Variants in AAK1 observed in about 807,000 individuals in gnomAD.
AAK1 encodes the protein AP2 associated kinase 1.
Under a neutral mutation model 116.0 loss-of-function variants are expected in AAK1, and 37 were observed. The observed-to-expected ratio is 0.32, with a 90% CI of 0.25 to 0.42. The LOEUF (loss-of-function observed/expected upper bound fraction) is 0.42, where lower values mean the gene tolerates loss of function less well. AAK1 is among the 10% of genes least tolerant of loss of function. The probability of loss-of-function intolerance (pLI) is 1.00; values close to 1 mark genes in which losing one functional copy is unlikely to be tolerated. For missense variants in AAK1, 919 were observed against 1,170.6 expected (o/e 0.79, Z 3.14); for synonymous variants, 458 against 439.9 (o/e 1.04, Z -0.51).
chr2:69,517,055 C>T (rs1282920249), intron 12 of AAK1: 1 of 151,508 alleles, frequency 6.6e-6, no homozygotes. Context: ...CTAGTAAAAA[C>T]AAAACAAAAA....
intron 12 of AAK1, among the ~76,000 whole-genome samples, chr2:69,515,592 A>G (rs10197696): frequency 0.69 from 105,519 of 151,956 alleles, 38,459 homozygotes; most frequent in African/African-American, 0.92. Context: ...GCCTCTGAAG[A>G]TGCTGAGATT....
At chr2:69,591,487 G>A (rs1032141923) in intron 2 of AAK1, among the ~76,000 whole-genome samples, 5 of 150,284 alleles carry the variant, frequency 3.3e-5, no homozygotes, top group Non-Finnish European at 5.9e-5. Flanking sequence ...CGGGGTTAAA[G>A]TTGGTTCTAT....
At position 69,589,501 on chromosome 2, in the gene AAK1, G is replaced by A. The variant is rs907518220; in HGVS notation, c.164-32523C>T. Among the ~76,000 whole-genome samples, 7 of 152,188 alleles carry A rather than the reference G, an allele frequency of 4.6e-5. No individual in the cohort carries two copies. The East Asian group carries it at 5.8e-4, about 13-fold the overall frequency. ...AGGCAGGCAGATCACCAGAGGTCAGGAGTTCGAGACCAGCCTGACCAATAT... is the reference window on the plus strand; with the variant it reads ...AGGCAGGCAGATCACCAGAGGTCAGAAGTTCGAGACCAGCCTGACCAATAT... On this transcript the variant is annotated intron_variant, in intron 2 of 21. Transcript: ENST00000409085.
intron 15 of AAK1, among the ~76,000 whole-genome samples, chr2:69,506,348 A>G (rs1676184612): frequency 6.6e-6 from 1 of 152,202 alleles, no homozygotes; most frequent in Admixed American, 6.5e-5. Flanking sequence ...TCTTCTGTTT[A>G]AAAAAGCAAG....
chr2:69,578,618 C>T lies in AAK1; in HGVS notation c.164-21640G>A, dbSNP rs138652413. On this transcript the variant is annotated intron_variant, in intron 2 of 21. Coordinates refer to ENST00000409085, the MANE Select transcript of AAK1 (RefSeq NM_014911.5). ...GTCCTAAAACGTCCCAATCCCTCAA[C>T]GTTTACATTCCCTGCTCTCCTCTAT... is the stretch of plus-strand genomic sequence containing the variant. Among the ~76,000 whole-genome samples, 18 of 152,252 alleles carry T rather than the reference C, an allele frequency of 1.2e-4. 1 individual carries two copies. The East Asian group carries it at 3.3e-3, about 28-fold the overall frequency.
At position 69,556,977 on chromosome 2, in the gene AAK1, A is replaced by C; in HGVS notation, c.165T>G (p.Gly55=). ...TCACCAGAAATACAATAGCAAATCC[A>C]CCTGTGAGAGAAACACACACAAGCT... ...QVTVDEVLAE[G]GFAIVFLVRT... is the part of the protein sequence containing the mutation. Residue 55 remains glycine (G), a splice_region_variant and synonymous_variant, in exon 3 of 22, where the codon GGT becomes GGG. Transcript: ENST00000409085. 1 of 1,608,096 alleles carries C rather than the reference A, an allele frequency of 6.2e-7. No individual in the cohort carries two copies. The highest frequency in any genetic ancestry group is 8.5e-7 in the Non-Finnish European group (1 of 1,174,586).
intron 2 of AAK1, among the ~76,000 whole-genome samples, chr2:69,561,193 C>T (rs777382261): frequency 1.3e-5 from 2 of 152,192 alleles, no homozygotes; most frequent in South Asian, 4.1e-4. Context: ...TTTTCTATGT[C>T]TGATCTAGTC....
intron 2 of AAK1, among the ~76,000 whole-genome samples, chr2:69,572,839 G>A (rs7579933): frequency 0.38 from 57,377 of 151,588 alleles, 11,151 homozygotes; most frequent in East Asian, 0.54. Flanking sequence ...ACATTCCTCC[G>A]GGTAAACAGA....
In AAK1 at chr2:69,514,897, T is replaced by C. The variant is rs1011429038; in HGVS notation, c.1498-148A>G. 9 of 848,858 alleles carry C rather than the reference T, an allele frequency of 1.1e-5. No homozygotes were observed. The South Asian group carries it at 1.1e-4, about 11-fold the overall frequency. The allele number at this position is 848,858 out of a possible 1,614,324, so 52.6% of individuals were successfully genotyped here. On this transcript the variant is annotated intron_variant, in intron 12 of 21. Coordinates refer to ENST00000409085, the MANE Select transcript of AAK1 (RefSeq NM_014911.5). ...TGAGGCTAGGCCTAAAATCTCATGATAGAGACCTCAGGGAATTAAAATACA... is the reference window on the plus strand; with the variant it reads ...TGAGGCTAGGCCTAAAATCTCATGACAGAGACCTCAGGGAATTAAAATACA...
At chr2:69,566,181 T>A (rs1422891068) in intron 2 of AAK1, among the ~76,000 whole-genome samples, 3 of 152,096 alleles carry the variant, frequency 2.0e-5, no homozygotes, top group African/African-American at 7.2e-5. Context: ...CATCCACAAC[T>A]TACATTGAAG....
chr2:69,616,505 G>T (rs1444842593), intron 2 of AAK1, among the ~76,000 whole-genome samples: 2 of 152,180 alleles, frequency 1.3e-5, no homozygotes, highest in Non-Finnish European at 2.9e-5. Flanking sequence ...GAGTACTGAT[G>T]TTGGGGCCCA....
rs771666537 is a variant in AAK1 at position 69,466,487 on chromosome 2, A to G, written c.*9382T>C. ...CTGGATACAGCGGAAGGCCTTTAAC[A>G]CCCAGTGATTCTTTAAAGTGCTCTA... On this transcript the variant is annotated 3_prime_UTR_variant, in exon 22 of 22. Coordinates refer to ENST00000409085, the MANE Select transcript of AAK1 (RefSeq NM_014911.5). 5 of 1,260,910 alleles carry G rather than the reference A, an allele frequency of 4.0e-6. No individual in the cohort carries two copies. The highest frequency in any genetic ancestry group is 3.9e-5 in the South Asian group (3 of 77,354). The allele number at this position is 1,260,910 out of a possible 1,614,324, so 78.1% of individuals were successfully genotyped here.
intron 2 of AAK1, among the ~76,000 whole-genome samples, chr2:69,587,189 A>G (rs1467366742): frequency 6.6e-6 from 1 of 151,232 alleles, no homozygotes; most frequent in Non-Finnish European, 1.5e-5. Context: ...GGCTCAAGCA[A>G]TCCTTCCATC....
intron 2 of AAK1, among the ~76,000 whole-genome samples, chr2:69,571,100 C>A (rs1672077594): frequency 6.6e-6 from 1 of 152,144 alleles, no homozygotes; most frequent in Non-Finnish European, 1.5e-5. Context: ...TCTCACAGGG[C>A]AAGGATTTTA....
chr2:69,485,768 C>A (rs1233299343), intron 17 of AAK1, among the ~76,000 whole-genome samples: 1 of 151,144 alleles, frequency 6.6e-6, no homozygotes, highest in Non-Finnish European at 1.5e-5. Flanking sequence ...TCAAGCGATT[C>A]TCCTGCCTCA....
Position 69,462,300 on chromosome 2 carries a change from A to G in AAK1, c.*13569T>C, listed in dbSNP as rs1002036772. 1.7e-4 allele frequency: 26 copies of G among 151,518 alleles called. No individual in the cohort carries two copies. The highest frequency in any genetic ancestry group is 6.3e-4 in the African/African-American group (26 of 41,296). The allele number at this position is 151,518 out of a possible 1,614,324, so 9.4% of individuals were successfully genotyped here. ...GAGTTAGTGGGTGCAGCACACGAGC[A>G]TGGCACATGTATACATATGTAACTA... On this transcript the variant is annotated 3_prime_UTR_variant, in exon 22 of 22. Transcript: ENST00000409085.
chr2:69,568,100 C>A (rs1261799770), intron 2 of AAK1, among the ~76,000 whole-genome samples: 1 of 152,180 alleles, frequency 6.6e-6, no homozygotes, highest in African/African-American at 2.4e-5. Flanking sequence ...CAGTCCCCAC[C>A]CATGCTACAG....
At chr2:69,620,616 G>T (rs1462994988) in intron 2 of AAK1, among the ~76,000 whole-genome samples, 1 of 152,086 alleles carries the variant, frequency 6.6e-6, no homozygotes, top group Non-Finnish European at 1.5e-5. Flanking sequence ...TATCCTACTT[G>T]ACCTCTCTGG....
rs527274333 is a variant in AAK1 at position 69,471,289 on chromosome 2, A to G, written c.*4580T>C. On this transcript the variant is annotated 3_prime_UTR_variant, in exon 22 of 22. Coordinates refer to ENST00000409085, the MANE Select transcript of AAK1 (RefSeq NM_014911.5). ...TACCCAAGGAGCCTCCCTATCCCGTATTAGTGAAAGGAAATCTGGGAGAAG... is the reference window on the plus strand; with the variant it reads ...TACCCAAGGAGCCTCCCTATCCCGTGTTAGTGAAAGGAAATCTGGGAGAAG... 95 of 985,332 alleles carry G rather than the reference A, an allele frequency of 9.6e-5. No individual in the cohort carries two copies. Among genetic ancestry groups the G allele is most frequent in the Non-Finnish European group, 1.1e-4 (88 of 829,938 alleles). 61.0% of individuals were successfully genotyped at this position (985,332 alleles called of 1,614,324 possible).
Sources: gnomAD v4.1 joint callset for allele counts (sites outside exome capture counted in the v4.1 genomes callset) on GRCh38, gnomAD v4.1.1 for gene constraint, MANE v1.5 for transcripts, NCBI Gene and HGNC (gene_info 2026-07-23, HGNC 2026-07-21) for gene names.